ST6GAL1: variants seen among roughly 807,000 people sequenced by gnomAD.
The protein encoded by ST6GAL1 is beta-galactoside alpha-2,6-sialyltransferase 1.
ST6GAL1 carries 20 observed loss-of-function variants against 38.0 expected under a neutral mutation model. That is an observed-to-expected ratio of 0.53 (90% CI 0.37 to 0.77). The LOEUF (loss-of-function observed/expected upper bound fraction) is 0.77. Among genes scored for constraint, ST6GAL1 ranks in the 30% least tolerant of loss-of-function variants. The pLI is 0.00. For missense variants in ST6GAL1, 432 were observed against 496.4 expected (o/e 0.87, Z 1.23); for synonymous variants, 196 against 188.2 (o/e 1.04, Z -0.34).
intron 2 of ST6GAL1, among the ~76,000 whole-genome samples, chr3:187,033,689 T>C (rs1717832470): frequency 6.6e-6 from 1 of 152,232 alleles, no homozygotes; most frequent in African/African-American, 2.4e-5. Context: ...TATTTCCTTA[T>C]TGCTGGATGC....
chr3:186,987,200 G>GA lies in ST6GAL1; in HGVS notation c.-183+23276dup, dbSNP rs1553821934. Among the ~76,000 whole-genome samples the GA allele has an allele frequency of 4.7e-3, 654 of 138,770 alleles. 8 individuals carry two copies. The highest frequency in any genetic ancestry group is 0.012 in the African/African-American group (446 of 37,142). The allele number at this position is 138,770 out of a possible 152,430, so 91.0% of individuals were successfully genotyped here. A position where few individuals can be genotyped will look rare whatever the true frequency, so the allele number is the denominator to read the frequency against. On this transcript the variant is annotated intron_variant, in intron 2 of 7. Coordinates refer to ENST00000169298, the MANE Select transcript of ST6GAL1 (RefSeq NM_173216.2). ...AGAGACAGGGAGGGAGGGAGGGAGG[G>GA]AAGGAAAGAAAAGGAAAGAAAGCAA...
intron 2 of ST6GAL1, among the ~76,000 whole-genome samples, chr3:186,965,141 T>C (rs1397977841): frequency 6.6e-6 from 1 of 152,186 alleles, no homozygotes; most frequent in Non-Finnish European, 1.5e-5. Context: ...TGACACCCTT[T>C]TATAAAGGCA....
At chr3:187,059,105 G>A (rs986655565) in intron 5 of ST6GAL1, among the ~76,000 whole-genome samples, 1 of 152,020 alleles carries the variant, frequency 6.6e-6, no homozygotes, top group Admixed American at 6.6e-5. Flanking sequence ...AGACAGAGGA[G>A]AACAGGAAAT....
chr3:187,054,397 T>TC (rs1371900035), intron 5 of ST6GAL1, among the ~76,000 whole-genome samples: 1 of 152,118 alleles, frequency 6.6e-6, no homozygotes, highest in African/African-American at 2.4e-5. Context: ...AGGGAATGCT[T>TC]CAGTTTTTGC....
intron 5 of ST6GAL1, chr3:187,072,474 C>T (rs1719418155): frequency 3.0e-6 from 1 of 328,758 alleles, no homozygotes; most frequent in Non-Finnish European, 6.0e-6. Context: ...GAAAGGATTC[C>T]AGAGATAATT....
intron 1 of ST6GAL1, among the ~76,000 whole-genome samples, chr3:186,943,936 GAC>G (rs1714269126): frequency 6.6e-6 from 1 of 152,244 alleles, no homozygotes; most frequent in Non-Finnish European, 1.5e-5. Flanking sequence ...TGCTGGCTAA[GAC>G]GATTGTTCCC....
chr3:187,067,091 TTTTTTTTTTTTTTTTTG>T (rs1333084454), intron 5 of ST6GAL1, among the ~76,000 whole-genome samples: 14 of 88,722 alleles, frequency 1.6e-4, no homozygotes, highest in African/African-American at 8.8e-4. Flanking sequence ...CTTTTTTTTT[TTTTTTTTTTTTTTTTTG>T]GAGACAGAGT....
intron 1 of ST6GAL1, chr3:186,931,312 C>G (rs1713741992): frequency 6.6e-6 from 1 of 151,914 alleles, no homozygotes; most frequent in Admixed American, 6.6e-5. Context: ...CCCTGCGGTG[C>G]CGGGCCATTG....
chr3:186,936,958 A>G (rs1032295371), intron 1 of ST6GAL1, among the ~76,000 whole-genome samples: 4 of 147,788 alleles, frequency 2.7e-5, no homozygotes, highest in East Asian at 2.0e-4. Flanking sequence ...AAAAAAAAAA[A>G]AAAAGAAAAA....
At chr3:187,062,513 ACCG>A (rs1718953251) in intron 5 of ST6GAL1, among the ~76,000 whole-genome samples, 1 of 151,928 alleles carries the variant, frequency 6.6e-6, no homozygotes, top group Non-Finnish European at 1.5e-5. Context: ...GGAAGAAAAT[ACCG>A]AGATTGGCTA....
At chr3:186,939,270 G>A (rs954254519) in intron 1 of ST6GAL1, among the ~76,000 whole-genome samples, 3 of 151,954 alleles carry the variant, frequency 2.0e-5, no homozygotes, top group Non-Finnish European at 4.4e-5. Context: ...AGAGATGGGT[G>A]TCTCACCGTG....
intron 5 of ST6GAL1, among the ~76,000 whole-genome samples, chr3:187,064,215 T>C (rs1214558163): frequency 6.6e-6 from 1 of 152,184 alleles, no homozygotes; most frequent in Non-Finnish European, 1.5e-5. Flanking sequence ...GAAGATTTTA[T>C]TTTACTCGTA....
intron 5 of ST6GAL1, 30 bp downstream of exon 5, chr3:187,051,376 A>C: frequency 6.2e-7 from 1 of 1,600,260 alleles, no homozygotes; most frequent in African/African-American, 1.3e-5. Context: ...GCTATGGAGT[A>C]AGAGAAGGAC....
intron 5 of ST6GAL1, among the ~76,000 whole-genome samples, chr3:187,064,128 T>A (rs1404547966): frequency 6.6e-6 from 1 of 152,050 alleles, no homozygotes; most frequent in African/African-American, 2.4e-5. Flanking sequence ...AGGCAAAACT[T>A]CTGTTAAAGG....
At chr3:186,977,174 C>G (rs1042379828) in intron 2 of ST6GAL1, among the ~76,000 whole-genome samples, 1 of 152,220 alleles carries the variant, frequency 6.6e-6, no homozygotes, top group East Asian at 1.9e-4. Context: ...TCTCTGAAGC[C>G]TTCTGCTGAA....
Position 187,034,951 on chromosome 3 carries a change from G to T in ST6GAL1, c.-182-3791G>T, listed in dbSNP as rs192629268. On this transcript the variant is annotated intron_variant, in intron 2 of 7. Transcript: ENST00000169298. ...AATAAAAGGCATCCAAATAGGAAAA[G>T]AAGTCAAACTGTCTCTCTTTGCTGA... is the stretch of plus-strand genomic sequence containing the variant. Among the ~76,000 whole-genome samples, 379 of 152,250 alleles carry T rather than the reference G, an allele frequency of 2.5e-3. 3 individuals carry two copies. Among genetic ancestry groups the T allele is most frequent in the African/African-American group, 8.7e-3 (361 of 41,564 alleles).
At chr3:187,017,567 C>T (rs1717157625) in intron 2 of ST6GAL1, among the ~76,000 whole-genome samples, 2 of 152,192 alleles carry the variant, frequency 1.3e-5, no homozygotes, top group South Asian at 4.1e-4. Context: ...ATGTTCCCTT[C>T]CCCTTTTTCT....
chr3:186,997,780 A>G (rs1163374540), intron 2 of ST6GAL1, among the ~76,000 whole-genome samples: 2 of 151,530 alleles, frequency 1.3e-5, no homozygotes, highest in African/African-American at 4.8e-5. Context: ...AAAAGATTTT[A>G]GACAGTGCTG....
At position 186,979,787 on chromosome 3, in the gene ST6GAL1, T is replaced by A. The variant is rs535376706; in HGVS notation, c.-183+15861T>A. Among the ~76,000 whole-genome samples the A allele has an allele frequency of 5.3e-5, 8 of 152,296 alleles. No individual in the cohort carries two copies. In the South Asian group the frequency reaches 1.7e-3, roughly 32 times the overall value. ...GAGAAGTTGCTGTGTAGGTGCTTAA[T>A]GCTTCGGAGATGGTCAGGTATGAGT... is the stretch of plus-strand genomic sequence containing the variant. On this transcript the variant is annotated intron_variant, in intron 2 of 7. Coordinates refer to ENST00000169298, the MANE Select transcript of ST6GAL1 (RefSeq NM_173216.2).
Sources: gnomAD v4.1 joint callset for allele counts (sites outside exome capture counted in the v4.1 genomes callset) on GRCh38, gnomAD v4.1.1 for gene constraint, MANE v1.5 for transcripts, NCBI Gene and HGNC (gene_info 2026-07-23, HGNC 2026-07-21) for gene names.